The following ITCH variants were observed in gnomAD, a reference collection of about 807,000 sequenced individuals.
ITCH encodes itchy E3 ubiquitin protein ligase.
A neutral mutation model predicts 126.8 loss-of-function variants in ITCH; 28 were observed. The observed-to-expected ratio is 0.22, with a 90% CI of 0.16 to 0.30. The LOEUF is 0.30. Among genes scored for constraint, ITCH ranks in the 10% least tolerant of loss-of-function variants. The pLI is 1.00. For missense variants in ITCH, 631 were observed against 1,032.4 expected, an observed-to-expected ratio of 0.61 and a Z score of 5.33; for synonymous variants, 342 against 340.0, an observed-to-expected ratio of 1.01 and a Z score of -0.06.
chr20:34,375,198 C>T (rs1205405231), intron 2 of ITCH, among the ~76,000 whole-genome samples: 7 of 152,000 alleles, frequency 4.6e-5, no homozygotes, highest in South Asian at 2.1e-4. Flanking sequence ...TGTGCCACCA[C>T]GCCTGGCTAA....
At chr20:34,397,813 T>G (rs1601803220) in intron 3 of ITCH, among the ~76,000 whole-genome samples, 1 of 152,156 alleles carries the variant, frequency 6.6e-6, no homozygotes, top group East Asian at 1.9e-4. Flanking sequence ...TTTTGGCAGC[T>G]TAAAGTTGAA....
chr20:34,379,329 T>C (rs1373122781), intron 2 of ITCH, among the ~76,000 whole-genome samples: 1 of 152,160 alleles, frequency 6.6e-6, no homozygotes, highest in African/African-American at 2.4e-5. Flanking sequence ...TGTGGTAAAA[T>C]ACACATTACA....
chr20:34,399,941 G>A (rs1368110172), intron 3 of ITCH, among the ~76,000 whole-genome samples: 1 of 151,314 alleles, frequency 6.6e-6, no homozygotes, highest in African/African-American at 2.4e-5. Flanking sequence ...AAAAAATTGT[G>A]TTTTTGTTTT....
chr20:34,421,175 AACGGTCATAGCAC>A (rs1408246023), intron 6 of ITCH, among the ~76,000 whole-genome samples: 1 of 152,138 alleles, frequency 6.6e-6, no homozygotes, highest in African/African-American at 2.4e-5. Context: ...TATTCACAGG[AACGGTCATAGCAC>A]ACTGCACCTT....
intron 4 of ITCH, among the ~76,000 whole-genome samples, chr20:34,409,291 C>T (rs1245460161): frequency 1.3e-5 from 2 of 152,076 alleles, no homozygotes; most frequent in African/African-American, 4.8e-5. Context: ...CTCCTGGCCT[C>T]AAGAGATCCT....
At chr20:34,452,214 C>A (rs545665863) in intron 12 of ITCH, among the ~76,000 whole-genome samples, 8 of 152,074 alleles carry the variant, frequency 5.3e-5, no homozygotes, top group African/African-American at 1.4e-4. Flanking sequence ...TTGTGAGCTG[C>A]GTTTCCTTTA....
At chr20:34,410,530 T>C (rs949228330) in intron 4 of ITCH, among the ~76,000 whole-genome samples, 2 of 152,038 alleles carry the variant, frequency 1.3e-5, no homozygotes, top group African/African-American at 4.8e-5. Context: ...AATGAAACAA[T>C]GTATTAAAAA....
intron 14 of ITCH, among the ~76,000 whole-genome samples, chr20:34,464,981 A>G (rs767603717): frequency 5.3e-5 from 8 of 152,146 alleles, no homozygotes; most frequent in Non-Finnish European, 1.2e-4. Context: ...AAGAGTAGGG[A>G]TTACAGGCAT....
intron 12 of ITCH, among the ~76,000 whole-genome samples, chr20:34,457,087 T>TA (rs1045031819): frequency 2.0e-5 from 3 of 152,122 alleles, no homozygotes; most frequent in Non-Finnish European, 2.9e-5. Context: ...AGGTCCTGTG[T>TA]AAAAAACTAA....
At chr20:34,385,222 G>GTTTTTT (rs1186821960) in intron 2 of ITCH, among the ~76,000 whole-genome samples, 1 of 85,158 alleles carries the variant, frequency 1.2e-5, no homozygotes, top group Non-Finnish European at 2.1e-5. Context: ...TGTGTGTGTG[G>GTTTTTT]TTTTTTTTTT....
intron 2 of ITCH, 129 bp from the exon 3 acceptor site, chr20:34,393,662 A>G: frequency 2.8e-6 from 2 of 718,874 alleles, no homozygotes; most frequent in South Asian, 2.9e-5. Context: ...CTAGAATTGA[A>G]AATTGTGTTT....
intron 16 of ITCH, among the ~76,000 whole-genome samples, chr20:34,474,365 C>T (rs772362706): frequency 3.3e-5 from 5 of 152,162 alleles, no homozygotes; most frequent in Non-Finnish European, 2.9e-5. Flanking sequence ...GGTGATGACT[C>T]TTAACGAGCA....
At chr20:34,472,888 A>G (rs1321619859) in intron 16 of ITCH, among the ~76,000 whole-genome samples, 2 of 152,144 alleles carry the variant, frequency 1.3e-5, no homozygotes, top group South Asian at 2.1e-4. Context: ...TTCTAATTTT[A>G]TGTTCATAAC....
At chr20:34,427,568 G>A (rs1269921457) in intron 7 of ITCH, among the ~76,000 whole-genome samples, 1 of 152,110 alleles carries the variant, frequency 6.6e-6, no homozygotes, top group African/African-American at 2.4e-5. Flanking sequence ...AGCTGAGATC[G>A]TGCCACTGTA....
chr20:34,440,884 G>A (rs1328271774), intron 9 of ITCH, among the ~76,000 whole-genome samples: 2 of 152,124 alleles, frequency 1.3e-5, no homozygotes, highest in Non-Finnish European at 2.9e-5. Context: ...AGTTAACCAA[G>A]GCCAATTAAT....
intron 7 of ITCH, among the ~76,000 whole-genome samples, chr20:34,425,208 G>T (rs1981339550): frequency 6.6e-6 from 1 of 152,190 alleles, no homozygotes; most frequent in Non-Finnish European, 1.5e-5. Flanking sequence ...AATGTGCCTT[G>T]TTAACAATAT....
rs1016130364 is a variant in ITCH at position 34,413,525 on chromosome 20, G to A, written c.338-217G>A. On this transcript the variant is annotated intron_variant, in intron 5 of 24. Coordinates refer to ENST00000374864, the MANE Select transcript of ITCH (RefSeq NM_031483.7). ...CGATGGAGATACTATTTTACATCAT[G>A]AATATGAAACATTAGCATATTTTGT... is the stretch of plus-strand genomic sequence containing the variant. Among the ~76,000 whole-genome samples the A allele has an allele frequency of 1.1e-4, 17 of 152,112 alleles. 1 individual carries two copies. The highest frequency in any genetic ancestry group is 4.1e-4 in the African/African-American group (17 of 41,412).
intron 7 of ITCH, among the ~76,000 whole-genome samples, chr20:34,437,452 T>G (rs961683878): frequency 2.0e-5 from 3 of 152,120 alleles, no homozygotes; most frequent in African/African-American, 7.2e-5. Context: ...ACTACAGGCG[T>G]GCCCTGCCAT....
chr20:34,409,976 G>C (rs369373603), intron 4 of ITCH, among the ~76,000 whole-genome samples: 22 of 151,834 alleles, frequency 1.4e-4, no homozygotes, highest in African/African-American at 5.1e-4. Flanking sequence ...GGTGCAGTTT[G>C]ATATGATTGC....
Sources: gnomAD v4.1 joint callset for allele counts (sites outside exome capture counted in the v4.1 genomes callset) on GRCh38, gnomAD v4.1.1 for gene constraint, MANE v1.5 for transcripts, NCBI Gene and HGNC (gene_info 2026-07-23, HGNC 2026-07-21) for gene names.